GABRB1: variants seen among roughly 807,000 people sequenced by gnomAD.
The protein encoded by GABRB1 is gamma-aminobutyric acid receptor subunit beta-1.
A neutral mutation model predicts 51.6 loss-of-function variants in GABRB1; 17 were observed. That is an observed-to-expected ratio of 0.33 (90% CI 0.23 to 0.49). GABRB1 has a LOEUF of 0.49. Ranked by LOEUF, GABRB1 falls within the 20% of genes least tolerant of loss-of-function variation. The probability of loss-of-function intolerance (pLI) is 0.99; values close to 1 mark genes in which losing one functional copy is unlikely to be tolerated. For missense variants in GABRB1, 410 were observed against 600.6 expected (o/e 0.68, Z 3.32); for synonymous variants, 247 against 218.9 (o/e 1.13, Z -1.14).
At chr4:47,323,492 G>A (rs938764149) in intron 5 of GABRB1, among the ~76,000 whole-genome samples, 15 of 151,936 alleles carry the variant, frequency 9.9e-5, no homozygotes, top group Admixed American at 5.9e-4. Context: ...TTTTCACAAA[G>A]AAACGTGTTA....
chr4:47,216,892 T>C (rs1399130367), intron 4 of GABRB1, among the ~76,000 whole-genome samples: 1 of 151,920 alleles, frequency 6.6e-6, no homozygotes, highest in Non-Finnish European at 1.5e-5. Flanking sequence ...AAAAGAATTA[T>C]AAATAAATGC....
chr4:47,368,733 A>G (rs966215839), intron 5 of GABRB1, among the ~76,000 whole-genome samples: 21 of 152,066 alleles, frequency 1.4e-4, no homozygotes, highest in African/African-American at 4.8e-4. Context: ...ATGAATGTTA[A>G]TAGTCTCAGC....
intron 4 of GABRB1, among the ~76,000 whole-genome samples, chr4:47,174,280 G>T (rs1211810993): frequency 6.6e-6 from 1 of 152,020 alleles, no homozygotes; most frequent in Non-Finnish European, 1.5e-5. Context: ...ATTGCCCAAG[G>T]TGGCTTAAAT....
At chr4:47,071,357 G>A (rs944711819) in intron 3 of GABRB1, among the ~76,000 whole-genome samples, 4 of 152,146 alleles carry the variant, frequency 2.6e-5, no homozygotes, top group African/African-American at 7.2e-5. Flanking sequence ...GCTCCCACAT[G>A]TCAATGACTT....
intron 3 of GABRB1, among the ~76,000 whole-genome samples, chr4:47,124,328 A>G (rs991835620): frequency 6.6e-6 from 1 of 152,136 alleles, no homozygotes; most frequent in African/African-American, 2.4e-5. Flanking sequence ...CTCAACTGCA[A>G]TCCTGGAGGC....
chr4:47,315,405 A>G (rs1251429646), intron 4 of GABRB1, among the ~76,000 whole-genome samples: 1 of 152,068 alleles, frequency 6.6e-6, no homozygotes, highest in African/African-American at 2.4e-5. Context: ...GTTGCAGAGA[A>G]AAAGGAAAAT....
intron 5 of GABRB1, among the ~76,000 whole-genome samples, chr4:47,400,495 G>C (rs928886710): frequency 6.6e-6 from 1 of 151,596 alleles, no homozygotes; most frequent in Admixed American, 6.6e-5. Flanking sequence ...AAAGCATAGT[G>C]AGCTCCAGCC....
chr4:47,189,479 T>C lies in GABRB1; in HGVS notation c.461+28010T>C, dbSNP rs959390150. On this transcript the variant is annotated intron_variant, in intron 4 of 8. Coordinates refer to ENST00000295454, the MANE Select transcript of GABRB1 (RefSeq NM_000812.4). ...TGAGATGATAGAATATAAGAAACTATCCAATAACCTCTATAAATGAAGAGA... is the reference window on the plus strand; with the variant it reads ...TGAGATGATAGAATATAAGAAACTACCCAATAACCTCTATAAATGAAGAGA... 1.3e-5 allele frequency among the ~76,000 whole-genome samples: 2 copies of C among 151,740 alleles called. 1 individual carries two copies. The highest frequency in any genetic ancestry group is 1.3e-4 in the Admixed American group (2 of 15,192).
intron 5 of GABRB1, among the ~76,000 whole-genome samples, chr4:47,323,208 C>G (rs1453753387): frequency 6.6e-6 from 1 of 152,144 alleles, no homozygotes; most frequent in African/African-American, 2.4e-5. Flanking sequence ...GAAAACCAGG[C>G]AGGCCTTGAT....
At chr4:47,229,542 G>GTCAC (rs1721064342) in intron 4 of GABRB1, among the ~76,000 whole-genome samples, 1 of 152,046 alleles carries the variant, frequency 6.6e-6, no homozygotes, top group Non-Finnish European at 1.5e-5. Flanking sequence ...TTAAGATATA[G>GTCAC]TCACTTCTTA....
At chr4:47,231,330 CTG>C (rs1721134861) in intron 4 of GABRB1, among the ~76,000 whole-genome samples, 1 of 152,138 alleles carries the variant, frequency 6.6e-6, no homozygotes, top group African/African-American at 2.4e-5. Flanking sequence ...CAGTAATATT[CTG>C]TGTTAGTCAA....
intron 3 of GABRB1, among the ~76,000 whole-genome samples, chr4:47,042,748 C>T (rs947208193): frequency 2.6e-5 from 4 of 151,610 alleles, no homozygotes; most frequent in African/African-American, 9.7e-5. Flanking sequence ...TAACCAAAGA[C>T]CTAAACATAA....
intron 3 of GABRB1, among the ~76,000 whole-genome samples, chr4:47,133,955 A>G (rs1157954234): frequency 6.6e-6 from 1 of 152,196 alleles, no homozygotes; most frequent in African/African-American, 2.4e-5. Flanking sequence ...CTGGTATTTT[A>G]CATGTTAAGA....
At chr4:47,356,349 TCAAGTA>T (rs1041129176) in intron 5 of GABRB1, among the ~76,000 whole-genome samples, 7 of 152,316 alleles carry the variant, frequency 4.6e-5, no homozygotes, top group African/African-American at 1.7e-4. Context: ...CCGAAAACTT[TCAAGTA>T]CATGTATTTA....
intron 4 of GABRB1, among the ~76,000 whole-genome samples, chr4:47,271,359 T>C (rs558090000): frequency 1.3e-5 from 2 of 152,116 alleles, no homozygotes; most frequent in African/African-American, 4.8e-5. Context: ...ATCATGTGGG[T>C]GGCAGTGTTT....
chr4:47,035,030 A>G (rs1221702731), intron 3 of GABRB1, among the ~76,000 whole-genome samples: 1 of 152,180 alleles, frequency 6.6e-6, no homozygotes, highest in Non-Finnish European at 1.5e-5. Context: ...ATAGTTTTTA[A>G]GAAAATGCAA....
intron 5 of GABRB1, among the ~76,000 whole-genome samples, chr4:47,365,250 G>A (rs189098422): frequency 6.6e-6 from 1 of 152,186 alleles, no homozygotes; most frequent in Non-Finnish European, 1.5e-5. Flanking sequence ...ACAGACAGAA[G>A]CTTCAGCAGT....
intron 4 of GABRB1, among the ~76,000 whole-genome samples, chr4:47,266,626 T>C (rs1414845059): frequency 6.6e-6 from 1 of 152,208 alleles, no homozygotes; most frequent in African/African-American, 2.4e-5. Flanking sequence ...TTTATTTCAC[T>C]GTGGTCTGAA....
intron 4 of GABRB1, among the ~76,000 whole-genome samples, chr4:47,201,793 A>T (rs111708457): frequency 6.6e-6 from 1 of 152,218 alleles, no homozygotes; most frequent in Non-Finnish European, 1.5e-5. Context: ...AAAAATGTCA[A>T]CCAAAATAGC....
Sources: gnomAD v4.1 joint callset for allele counts (sites outside exome capture counted in the v4.1 genomes callset) on GRCh38, gnomAD v4.1.1 for gene constraint, MANE v1.5 for transcripts, NCBI Gene and HGNC (gene_info 2026-07-23, HGNC 2026-07-21) for gene names.